Variants in CLNS1A observed in about 807,000 individuals in gnomAD.
CLNS1A encodes the protein methylosome subunit pICln.
A neutral mutation model predicts 29.4 loss-of-function variants in CLNS1A; 16 were observed. The ratio of observed to expected loss-of-function variants is 0.54; its 90% confidence interval spans 0.37 to 0.83. The LOEUF (loss-of-function observed/expected upper bound fraction) is 0.83. CLNS1A is among the 40% of genes least tolerant of loss of function. The pLI, the probability that CLNS1A is intolerant of heterozygous loss-of-function variation, is 0.00. For synonymous variants in CLNS1A, 96 were observed against 104.8 expected (o/e 0.92, Z 0.51); for missense variants, 235 against 287.4 (o/e 0.82, Z 1.32).
intron 1 of CLNS1A, among the ~76,000 whole-genome samples, 174 bp downstream of exon 1, chr11:77,637,416 G>A (rs1304733989): frequency 2.0e-5 from 3 of 150,628 alleles, no homozygotes; most frequent in Non-Finnish European, 2.9e-5. Context: ...CTCCGGAGGA[G>A]TACTAGAAAA....
intron 2 of CLNS1A, among the ~76,000 whole-genome samples, chr11:77,627,313 C>A (rs1368606773): frequency 6.6e-6 from 1 of 151,220 alleles, no homozygotes; most frequent in African/African-American, 2.4e-5. Context: ...GTGGCGGGAG[C>A]CTGTAGTCCC....
At chr11:77,620,754 G>C (rs1424085124) in intron 5 of CLNS1A, among the ~76,000 whole-genome samples, 1 of 152,124 alleles carries the variant, frequency 6.6e-6, no homozygotes, top group Non-Finnish European at 1.5e-5. Context: ...GGCCAAGGCA[G>C]GCAGATCACC....
chr11:77,616,735 A>T (rs1483057171), intron 6 of CLNS1A, 40 bp from the exon 7 acceptor site: 16 of 152,304 alleles, frequency 1.1e-4, no homozygotes, highest in Admixed American at 9.8e-4. Flanking sequence ...AGTAGTGATA[A>T]TAATAATAGC....
chr11:77,622,440 T>C, intron 5 of CLNS1A, 60 bp downstream of exon 5: 2 of 1,254,948 alleles, frequency 1.6e-6, no homozygotes, highest in Admixed American at 2.4e-5. Context: ...TTCTATTGAC[T>C]ATCCATAACT....
chr11:77,622,819 G>T (rs1033599007), intron 4 of CLNS1A, 146 bp from the exon 5 acceptor site: 4 of 565,314 alleles, frequency 7.1e-6, no homozygotes, highest in African/African-American at 1.9e-5. Flanking sequence ...GTGGTGGCAC[G>T]CGCCTGTTGT....
intron 3 of CLNS1A, 106 bp from the exon 4 acceptor site, chr11:77,625,176 C>G: frequency 1.4e-6 from 1 of 732,110 alleles, no homozygotes; most frequent in Non-Finnish European, 2.3e-6. Flanking sequence ...TTTACAAAAT[C>G]TGCCAAATTG....
At chr11:77,619,545 G>T (rs1289575949) in intron 6 of CLNS1A, 61 bp downstream of exon 6, 3 of 1,123,734 alleles carry the variant, frequency 2.7e-6, no homozygotes, top group Non-Finnish European at 4.1e-6. Context: ...TTAAAAAGTA[G>T]AAAGTAATCA....
At chr11:77,636,785 A>G (rs1959129911) in intron 1 of CLNS1A, among the ~76,000 whole-genome samples, 1 of 152,194 alleles carries the variant, frequency 6.6e-6, no homozygotes, top group Admixed American at 6.5e-5. Context: ...GCAAAAGGGG[A>G]AGCAACACAT....
At chr11:77,617,200 C>T (rs1219049151) in intron 6 of CLNS1A, among the ~76,000 whole-genome samples, 1 of 151,730 alleles carries the variant, frequency 6.6e-6, no homozygotes, top group Non-Finnish European at 1.5e-5. Flanking sequence ...GAAACACTGT[C>T]TCTACTAAAA....
At chr11:77,633,576 G>A (rs1255810291) in intron 1 of CLNS1A, among the ~76,000 whole-genome samples, 1 of 152,122 alleles carries the variant, frequency 6.6e-6, no homozygotes, top group Non-Finnish European at 1.5e-5. Flanking sequence ...GCACAAGTAT[G>A]GTGAGTGTCC....
At chr11:77,622,762 A>C in intron 4 of CLNS1A, 89 bp from the exon 5 acceptor site, 1 of 998,726 alleles carries the variant, frequency 1.0e-6, no homozygotes. Context: ...AGCCTGGCCA[A>C]CATGGTGAAA....
chr11:77,637,624 C>T lies in CLNS1A; in HGVS notation c.91G>A (p.Gly31Ser), dbSNP rs2135783621. 1.9e-6 allele frequency: 3 copies of T among 1,595,228 alleles called. No individual in the cohort carries two copies. The highest frequency in any genetic ancestry group is 2.3e-5 in the East Asian group (1 of 43,724). ...PDTEAVLNGK[G>S]LGTGTLYIAE... ...ATGTAAAGGGTACCAGTGCCGAGGC[C>T]CTTCCCGTTCAGCACAGCCTCAGTG... The change falls in exon 1 of 7, where the codon GGC (glycine) becomes AGC (serine). Residue 31 changes from glycine to serine, a missense_variant. Physicochemically the swap from Gly to Ser is moderately conservative, Grantham distance 56 (BLOSUM62 0). Transcript: ENST00000525428.
In CLNS1A at chr11:77,622,403, ATTCT is replaced by A. The variant is rs1958967947; in HGVS notation, c.646+93_646+96del. On this transcript the variant is annotated intron_variant, in intron 5 of 6. Coordinates refer to ENST00000525428, the MANE Select transcript of CLNS1A (RefSeq NM_001293.3). ...CTGCTTCCTATACTATAGAGAGTCA[ATTCT>A]TTCTCTTAGTTATTAAAAGAACTTC... is the stretch of plus-strand genomic sequence containing the variant. The A allele has an allele frequency of 8.3e-6, 7 of 840,338 alleles. No homozygotes were observed. The African/African-American group carries it at 1.0e-4, about 12-fold the overall frequency. 52.1% of individuals were successfully genotyped at this position (840,338 alleles called of 1,614,324 possible).
chr11:77,615,155 C>T lies in CLNS1A; in HGVS notation c.*1563G>A, dbSNP rs895953023. Reference sequence around the variant, plus strand: ...GGAAAGTCACAATTATAAATTTGTTCCTTTTAAAAGGAACTCAAATGGAAT... The same window carrying T: ...GGAAAGTCACAATTATAAATTTGTTTCTTTTAAAAGGAACTCAAATGGAAT... On this transcript the variant is annotated 3_prime_UTR_variant, in exon 7 of 7. Transcript: ENST00000525428. 1 of 152,142 alleles carries T rather than the reference C, an allele frequency of 6.6e-6. No individual in the cohort carries two copies. 9.4% of individuals were successfully genotyped at this position (152,142 alleles called of 1,614,324 possible).
At chr11:77,618,917 T>C (rs559547877) in intron 6 of CLNS1A, among the ~76,000 whole-genome samples, 8 of 152,236 alleles carry the variant, frequency 5.3e-5, no homozygotes, top group Non-Finnish European at 1.0e-4. Flanking sequence ...TATTACTATA[T>C]GCTTTAGTAA....
intron 1 of CLNS1A, among the ~76,000 whole-genome samples, chr11:77,633,084 CAAAA>C (rs887085397): frequency 1.8e-5 from 1 of 55,604 alleles, no homozygotes; most frequent in Non-Finnish European, 3.8e-5. Flanking sequence ...GACTCCATCT[CAAAA>C]AAAAAAAAAA....
intron 3 of CLNS1A, chr11:77,625,487 T>C (rs1487724132): frequency 6.0e-6 from 3 of 499,214 alleles, no homozygotes; most frequent in African/African-American, 3.9e-5. Context: ...ACTCACAAAA[T>C]ATACCCAGAT....
At chr11:77,619,803 T>C (rs1268041188) in intron 5 of CLNS1A, 108 bp from the exon 6 acceptor site, 5 of 792,868 alleles carry the variant, frequency 6.3e-6, no homozygotes, top group Non-Finnish European at 1.1e-5. Context: ...CTGGTAAGAA[T>C]TGCTTTTTCC....
intron 6 of CLNS1A, among the ~76,000 whole-genome samples, chr11:77,617,588 T>C (rs1958917742): frequency 6.6e-6 from 1 of 151,032 alleles, no homozygotes; most frequent in Non-Finnish European, 1.5e-5. Context: ...AGATCAATTA[T>C]CCAGATGAAG....
Sources: allele counts gnomAD v4.1 joint callset (sites outside exome capture counted in the v4.1 genomes callset), GRCh38; gene constraint gnomAD v4.1.1; transcripts MANE v1.5; gene names NCBI Gene and HGNC (gene_info 2026-07-23, HGNC 2026-07-21).